The following OR1J2 variants were observed in gnomAD, a reference collection of about 807,000 sequenced individuals.
OR1J2 encodes olfactory receptor family 1 subfamily J member 2.
For synonymous variants in OR1J2, 142 were observed against 99.7 expected, an observed-to-expected ratio of 1.42 and a Z score of -2.52; for missense variants, 304 against 246.1, an observed-to-expected ratio of 1.24 and a Z score of -1.57.
chr9:122,575,447 A>G, the OR1J2 span, among the ~76,000 whole-genome samples: 1 of 152,088 alleles, frequency 6.6e-6, no homozygotes, highest in Admixed American at 6.5e-5. Flanking sequence ...CTTTCAAAGA[A>G]TTTGTCCATT....
chr9:122,541,470 C>T, the OR1J2 span, among the ~76,000 whole-genome samples: 1 of 152,178 alleles, frequency 6.6e-6, no homozygotes, highest in Non-Finnish European at 1.5e-5. Flanking sequence ...TTGTCCCTCT[C>T]CTATCCCAAC....
chr9:122,553,320 A>G, the OR1J2 span: 1 of 1,613,978 alleles, frequency 6.2e-7, no homozygotes, highest in Non-Finnish European at 8.5e-7. Flanking sequence ...CTTCCTTGGC[A>G]TGTACCTGGT....
chr9:122,567,699 T>C, the OR1J2 span: 13 of 1,614,012 alleles, frequency 8.1e-6, no homozygotes, highest in Non-Finnish European at 1.1e-5. Context: ...GGGCTGTAAA[T>C]AGACACAGAA....
At chr9:122,507,757 C>A (rs559316144), upstream of OR1J2, among the ~76,000 whole-genome samples, 98 of 152,246 alleles carry the variant, frequency 6.4e-4, no homozygotes, top group African/African-American at 2.3e-3. Context: ...TTTTCTCCTG[C>A]GTGTAAAAGG....
the OR1J2 span, among the ~76,000 whole-genome samples, chr9:122,491,154 G>T: frequency 6.6e-6 from 1 of 152,282 alleles, no homozygotes; most frequent in African/African-American, 2.4e-5. Context: ...GAGAACAAAG[G>T]AGTTGAAAAC....
At chr9:122,573,163 T>C in the OR1J2 span, among the ~76,000 whole-genome samples, 7 of 152,188 alleles carry the variant, frequency 4.6e-5, no homozygotes, top group African/African-American at 1.4e-4. Flanking sequence ...TAGGCTGATA[T>C]AGCTGTGGTG....
chr9:122,522,076 A>G, the OR1J2 span, among the ~76,000 whole-genome samples: 2 of 152,218 alleles, frequency 1.3e-5, no homozygotes, highest in Non-Finnish European at 2.9e-5. Context: ...CTGAACATCA[A>G]TCACATTGGA....
the OR1J2 span, chr9:122,477,349 G>T: frequency 1.2e-6 from 2 of 1,614,078 alleles, no homozygotes; most frequent in Admixed American, 1.7e-5. Context: ...CTGATTGAGG[G>T]AGGTGTCTGA....
chr9:122,532,186 G>C, the OR1J2 span, among the ~76,000 whole-genome samples: 4 of 151,128 alleles, frequency 2.6e-5, no homozygotes, highest in African/African-American at 9.8e-5. Flanking sequence ...CCCTGAGCTT[G>C]ATGTGTAGGG....
chr9:122,452,004 G>A, the OR1J2 span, among the ~76,000 whole-genome samples: 4 of 152,010 alleles, frequency 2.6e-5, no homozygotes, highest in African/African-American at 4.8e-5. Context: ...TCAGCCTCCC[G>A]AGTAACTGGG....
the OR1J2 span, among the ~76,000 whole-genome samples, chr9:122,545,655 T>C: frequency 6.6e-6 from 1 of 152,168 alleles, no homozygotes; most frequent in South Asian, 2.1e-4. Flanking sequence ...ATACTTAGTA[T>C]TTTTGTGTTA....
At chr9:122,514,691 C>G (rs1010737948), downstream of OR1J2, among the ~76,000 whole-genome samples, 1 of 152,098 alleles carries the variant, frequency 6.6e-6, no homozygotes, top group Non-Finnish European at 1.5e-5. Flanking sequence ...GTTTTATAAG[C>G]AGCAAACCAA....
chr9:122,532,569 G>A, the OR1J2 span, among the ~76,000 whole-genome samples: 140 of 146,214 alleles, frequency 9.6e-4, 11 homozygotes, highest in African/African-American at 3.5e-3. Flanking sequence ...ACTCAACAAA[G>A]AGTGAATACA....
At chr9:122,527,639 C>A in the OR1J2 span, among the ~76,000 whole-genome samples, 4,751 of 152,226 alleles carry the variant, frequency 0.031, 254 homozygotes, top group African/African-American at 0.11. Flanking sequence ...CTAAATTTTA[C>A]ATTCTTTTGG....
chr9:122,555,925 T>C, the OR1J2 span, among the ~76,000 whole-genome samples: 1 of 152,224 alleles, frequency 6.6e-6, no homozygotes, highest in Admixed American at 6.5e-5. Context: ...CTTGGTGTTG[T>C]GCATTCTGTG....
chr9:122,559,306 A>T, the OR1J2 span, among the ~76,000 whole-genome samples: 6 of 150,824 alleles, frequency 4.0e-5, no homozygotes, highest in East Asian at 3.9e-4. Flanking sequence ...ATTTATTTTT[A>T]TTTTTTTTTA....
chr9:122,564,879 T>C, the OR1J2 span, among the ~76,000 whole-genome samples: 37,211 of 152,190 alleles, frequency 0.24, 4,910 homozygotes, highest in Middle Eastern at 0.34. Context: ...CATAATCAAG[T>C]TCACAGAATT....
the OR1J2 span, among the ~76,000 whole-genome samples, chr9:122,484,998 T>A: frequency 6.6e-6 from 1 of 152,092 alleles, no homozygotes; most frequent in Admixed American, 6.6e-5. Flanking sequence ...GCCACTGCAC[T>A]CCAGCCTGGG....
At chr9:122,519,846 A>C in the OR1J2 span, 2 of 1,614,086 alleles carry the variant, frequency 1.2e-6, no homozygotes, top group South Asian at 2.2e-5. Flanking sequence ...GGGCATCTTC[A>C]AAGCTTTGTC....
Sources: gnomAD v4.1 joint callset for allele counts (sites outside exome capture counted in the v4.1 genomes callset) on GRCh38, gnomAD v4.1.1 for gene constraint, MANE v1.5 for transcripts, NCBI Gene and HGNC (gene_info 2026-07-23, HGNC 2026-07-21) for gene names.